The following RBPJ variants were observed in gnomAD, a reference collection of about 807,000 sequenced individuals.
RBPJ encodes recombining binding protein suppressor of hairless.
Under a neutral mutation model 67.8 loss-of-function variants are expected in RBPJ, and 9 were observed. The observed-to-expected ratio is 0.13, with a 90% CI of 0.08 to 0.23. The LOEUF (loss-of-function observed/expected upper bound fraction) is 0.23, where lower values mean the gene tolerates loss of function less well. Ranked by LOEUF, RBPJ falls within the 10% of genes least tolerant of loss-of-function variation. RBPJ has a pLI of 1.00. For synonymous variants in RBPJ, 198 were observed against 203.3 expected, an observed-to-expected ratio of 0.97 and a Z score of 0.22; for missense variants, 305 against 595.6, an observed-to-expected ratio of 0.51 and a Z score of 5.08.
intron 1 of RBPJ, among the ~76,000 whole-genome samples, chr4:26,289,590 A>G (rs901418044): frequency 1.3e-5 from 2 of 150,458 alleles, no homozygotes; most frequent in Non-Finnish European, 3.0e-5. Context: ...GCTAAATTCA[A>G]GAAGGACTTT....
At position 26,204,317 on chromosome 4, in the gene RBPJ, G is replaced by A. The variant is rs904771937; in HGVS notation, c.-167+40703G>A. 5.0e-4 allele frequency among the ~76,000 whole-genome samples: 76 copies of A among 152,146 alleles called. 1 individual carries two copies. The highest frequency in any genetic ancestry group is 4.6e-3 in the Admixed American group (70 of 15,274). ...ATAGTTTTTGCACTCAAAAAATGCTGAATCTAGCAGAGGAAGTTGTCCCCA... is the reference window on the plus strand; with the variant it reads ...ATAGTTTTTGCACTCAAAAAATGCTAAATCTAGCAGAGGAAGTTGTCCCCA... On this transcript the variant is annotated intron_variant, in intron 1 of 4. Coordinates refer to the RBPJ transcript ENST00000512351.
At chr4:26,429,806 T>G in intron 8 of RBPJ, 92 bp from the exon 9 acceptor site, 1 of 1,037,080 alleles carries the variant, frequency 9.6e-7, no homozygotes, top group East Asian at 2.6e-5. Context: ...ATCTTCTTAT[T>G]AACTCTTGTC....
At chr4:26,170,710 T>C (rs1250499584) in intron 1 of RBPJ, among the ~76,000 whole-genome samples, 1 of 152,236 alleles carries the variant, frequency 6.6e-6, no homozygotes, top group Non-Finnish European at 1.5e-5. Context: ...TGATAATTTA[T>C]GCGACCTTAA....
At chr4:26,403,155 T>C (rs1242298905) in intron 2 of RBPJ, among the ~76,000 whole-genome samples, 1 of 152,150 alleles carries the variant, frequency 6.6e-6, no homozygotes, top group Non-Finnish European at 1.5e-5. Context: ...AAAATTCAGT[T>C]TCTATAGTAT....
At chr4:26,191,192 T>G (rs1329548577) in intron 1 of RBPJ, among the ~76,000 whole-genome samples, 1 of 21,880 alleles carries the variant, frequency 4.6e-5, no homozygotes, top group African/African-American at 1.7e-4. Context: ...TATATATATA[T>G]ATATATATAT....
chr4:26,245,663 G>A (rs1052235565), intron 1 of RBPJ, among the ~76,000 whole-genome samples: 2 of 152,168 alleles, frequency 1.3e-5, no homozygotes, highest in African/African-American at 4.8e-5. Flanking sequence ...CCACAGTCAT[G>A]AAGAGTTGTT....
the RBPJ span, among the ~76,000 whole-genome samples, chr4:26,134,544 G>A: frequency 6.6e-6 from 1 of 152,178 alleles, no homozygotes; most frequent in Admixed American, 6.5e-5. Flanking sequence ...TATTTCCTTT[G>A]GCCAATGGTT....
intron 1 of RBPJ, among the ~76,000 whole-genome samples, chr4:26,312,233 G>A (rs1008628389): frequency 2.6e-5 from 4 of 151,842 alleles, no homozygotes; most frequent in Admixed American, 6.6e-5. Context: ...CCAGGTTCAC[G>A]CCATTCTCCT....
At chr4:26,323,228 T>G (rs908625160) in intron 1 of RBPJ, among the ~76,000 whole-genome samples, 6 of 152,122 alleles carry the variant, frequency 3.9e-5, no homozygotes, top group African/African-American at 1.4e-4. Flanking sequence ...CTCCCTTACT[T>G]GTTCTTGTAC....
intron 1 of RBPJ, among the ~76,000 whole-genome samples, chr4:26,215,511 T>C (rs1332967481): frequency 1.3e-5 from 2 of 152,046 alleles, no homozygotes; most frequent in Non-Finnish European, 2.9e-5. Context: ...CATATAAAGT[T>C]TGAAGGACTC....
chr4:26,266,810 A>G (rs1441711004), intron 1 of RBPJ, among the ~76,000 whole-genome samples: 1 of 152,162 alleles, frequency 6.6e-6, no homozygotes, highest in Non-Finnish European at 1.5e-5. Flanking sequence ...AGCAGATATT[A>G]CTGGTGGCAT....
the RBPJ span, among the ~76,000 whole-genome samples, chr4:26,149,473 G>A: frequency 6.6e-6 from 1 of 152,212 alleles, no homozygotes; most frequent in African/African-American, 2.4e-5. Flanking sequence ...TTGTTCGGAT[G>A]TATTCCCCAA....
chr4:26,145,335 T>C, the RBPJ span, among the ~76,000 whole-genome samples: 2 of 152,182 alleles, frequency 1.3e-5, no homozygotes, highest in Non-Finnish European at 2.9e-5. Context: ...CAGATTAAGA[T>C]GGTGTCAGAC....
intron 2 of RBPJ, among the ~76,000 whole-genome samples, chr4:26,405,380 T>C (rs534408057): frequency 1.3e-4 from 20 of 152,342 alleles, no homozygotes; most frequent in East Asian, 3.9e-4. Context: ...ATTCTGCTTA[T>C]TCAGAATTGT....
chr4:26,231,701 G>A (rs1719292256), intron 1 of RBPJ, among the ~76,000 whole-genome samples: 2 of 149,242 alleles, frequency 1.3e-5, no homozygotes, highest in South Asian at 2.1e-4. Flanking sequence ...CATGAGCCAC[G>A]GCGCCCAGCC....
At chr4:26,345,643 GC>G (rs1333873997) in intron 1 of RBPJ, among the ~76,000 whole-genome samples, 1 of 152,146 alleles carries the variant, frequency 6.6e-6, no homozygotes, top group African/African-American at 2.4e-5. Flanking sequence ...GAGAGGAATC[GC>G]CTGGTAGCTA....
At chr4:26,306,943 G>A (rs754964429) in intron 1 of RBPJ, among the ~76,000 whole-genome samples, 4 of 151,394 alleles carry the variant, frequency 2.6e-5, no homozygotes, top group South Asian at 2.1e-4. Context: ...TTATACTTTC[G>A]TAAATCATTT....
At chr4:26,316,827 CT>C (rs56130072), upstream of RBPJ, among the ~76,000 whole-genome samples, 2,025 of 71,310 alleles carry the variant, frequency 0.028, 513 homozygotes, top group African/African-American at 0.11. Context: ...ACCCAGACGA[CT>C]TTTTTTTTTT....
At chr4:26,381,620 A>C (rs1301007789) in intron 1 of RBPJ, among the ~76,000 whole-genome samples, 1 of 152,190 alleles carries the variant, frequency 6.6e-6, no homozygotes, top group Non-Finnish European at 1.5e-5. Flanking sequence ...TGAAGAATGT[A>C]AATTTTCTTG....
Sources: allele counts gnomAD v4.1 joint callset (sites outside exome capture counted in the v4.1 genomes callset), GRCh38; gene constraint gnomAD v4.1.1; transcripts MANE v1.5; gene names NCBI Gene and HGNC (gene_info 2026-07-23, HGNC 2026-07-21).